INPP4B: variants seen among roughly 807,000 people sequenced by gnomAD.
INPP4B encodes the protein inositol polyphosphate 4-phosphatase type II.
Under a neutral mutation model 122.5 loss-of-function variants are expected in INPP4B, and 55 were observed. The observed-to-expected ratio is 0.45, with a 90% confidence interval of 0.36 to 0.56. The LOEUF is 0.56. INPP4B is among the 20% of genes least tolerant of loss of function. The pLI, the probability that INPP4B is intolerant of heterozygous loss-of-function variation, is 0.00. For synonymous variants in INPP4B, 403 were observed against 388.7 expected (o/e 1.04, Z -0.43); for missense variants, 1,000 against 1,097.7 (o/e 0.91, Z 1.26).
At chr4:142,055,780 A>C (rs1304009656) in intron 25 of INPP4B, among the ~76,000 whole-genome samples, 2 of 151,962 alleles carry the variant, frequency 1.3e-5, no homozygotes, top group Non-Finnish European at 2.9e-5. Flanking sequence ...GGCACCAGGA[A>C]CTGGTTTCAT....
rs563188138 is a variant in INPP4B, at chr4:142,621,688, C to T, written c.-191+104151G>A. 6.6e-5 allele frequency among the ~76,000 whole-genome samples: 10 copies of T among 151,818 alleles called. No individual in the cohort carries two copies. The South Asian group carries it at 2.1e-3, about 32-fold the overall frequency. On this transcript the variant is annotated intron_variant, in intron 2 of 25. Transcript: ENST00000262992. The stretch of plus-strand genomic sequence containing the variant: ...TCACAAATAGAAAAATCCTTCCTAC[C>T]TTGCTGAATAATGATGTGGATTAAA...
intron 1 of INPP4B, among the ~76,000 whole-genome samples, chr4:142,794,253 A>G (rs2151072702): frequency 6.6e-6 from 1 of 152,194 alleles, no homozygotes; most frequent in East Asian, 1.9e-4. Flanking sequence ...CTATAAATAA[A>G]GTATTCAGAC....
At chr4:142,749,066 G>A (rs1466331644) in intron 1 of INPP4B, among the ~76,000 whole-genome samples, 3 of 151,326 alleles carry the variant, frequency 2.0e-5, no homozygotes, top group African/African-American at 7.3e-5. Context: ...CTTGAACCTG[G>A]GAGGAGAAGT....
intron 2 of INPP4B, among the ~76,000 whole-genome samples, chr4:142,523,738 C>T (rs7668725): frequency 0.3 from 44,495 of 148,710 alleles, 7,504 homozygotes; most frequent in East Asian, 0.76. Context: ...ACATGTGCCA[C>T]GCTGGTGCGC....
At chr4:142,042,558 G>GTATTTATT (rs372566277) in intron 25 of INPP4B, among the ~76,000 whole-genome samples, 9 of 64,120 alleles carry the variant, frequency 1.4e-4, no homozygotes, top group African/African-American at 4.8e-4. Flanking sequence ...ATGTATGTAT[G>GTATTTATT]TATTTATTTA....
intron 2 of INPP4B, among the ~76,000 whole-genome samples, chr4:142,498,203 GTA>G (rs529732516): frequency 1.0e-4 from 15 of 146,772 alleles, no homozygotes; most frequent in East Asian, 5.9e-4. Context: ...GTGCGTGTGT[GTA>G]TATATATATA....
chr4:142,487,011 CCCA>C (rs1441891446), intron 2 of INPP4B, among the ~76,000 whole-genome samples: 6 of 152,126 alleles, frequency 3.9e-5, no homozygotes, highest in African/African-American at 1.2e-4. Flanking sequence ...TCCCATAATT[CCCA>C]CGTGTTTTGG....
At chr4:142,301,624 AT>A (rs1037684473) in intron 9 of INPP4B, among the ~76,000 whole-genome samples, 1 of 152,182 alleles carries the variant, frequency 6.6e-6, no homozygotes, top group Admixed American at 6.5e-5. Flanking sequence ...CAATAATGAG[AT>A]TTTTTTCATT....
At chr4:142,104,215 G>A in intron 23 of INPP4B, among the ~76,000 whole-genome samples, 1 of 152,172 alleles carries the variant, frequency 6.6e-6, no homozygotes, top group East Asian at 1.9e-4. Flanking sequence ...GAGGAAGACA[G>A]AAGGGGCTTT....
chr4:142,454,947 A>C (rs958488653), intron 3 of INPP4B, among the ~76,000 whole-genome samples: 8 of 152,020 alleles, frequency 5.3e-5, no homozygotes, highest in Non-Finnish European at 8.8e-5. Context: ...AAGGAGTTAA[A>C]ATTTGGAGAA....
intron 11 of INPP4B, among the ~76,000 whole-genome samples, chr4:142,255,742 C>T (rs1223837963): frequency 6.6e-6 from 1 of 152,098 alleles, no homozygotes; most frequent in Non-Finnish European, 1.5e-5. Context: ...TCGACTCCCA[C>T]ACATTAATAA....
chr4:142,740,849 T>C (rs1297637451), intron 1 of INPP4B, among the ~76,000 whole-genome samples: 1 of 152,040 alleles, frequency 6.6e-6, no homozygotes, highest in African/African-American at 2.4e-5. Flanking sequence ...GTCCTAAAAA[T>C]CTTTCAGAAG....
intron 21 of INPP4B, among the ~76,000 whole-genome samples, chr4:142,115,819 C>A (rs966650248): frequency 2.0e-5 from 3 of 152,028 alleles, no homozygotes; most frequent in Non-Finnish European, 4.4e-5. Context: ...CAATATTAAC[C>A]TTAAATGTAA....
chr4:142,202,400 C>T (rs990757920), intron 14 of INPP4B, among the ~76,000 whole-genome samples: 1 of 151,986 alleles, frequency 6.6e-6, no homozygotes, highest in South Asian at 2.1e-4. Context: ...ATGTCTTTGG[C>T]AGGAATTGCA....
chr4:142,827,778 C>G lies in INPP4B; in HGVS notation c.-254+18431G>C, dbSNP rs1781625511. Among the ~76,000 whole-genome samples, 3 of 152,142 alleles carry G rather than the reference C, an allele frequency of 2.0e-5. No individual in the cohort carries two copies. In the South Asian group the frequency reaches 6.2e-4, roughly 32 times the overall value. On this transcript the variant is annotated intron_variant, in intron 1 of 25. Coordinates refer to ENST00000262992, the MANE Select transcript of INPP4B (RefSeq NM_001101669.3). ...TGTTGAGACACGTTAATGGTCCTTTCTTTCTCTCATTCATTCAACACATGT... is the reference window on the plus strand; with the variant it reads ...TGTTGAGACACGTTAATGGTCCTTTGTTTCTCTCATTCATTCAACACATGT...
At chr4:142,460,614 G>C (rs1158369243) in intron 3 of INPP4B, among the ~76,000 whole-genome samples, 8 of 152,088 alleles carry the variant, frequency 5.3e-5, no homozygotes, top group Admixed American at 5.2e-4. Flanking sequence ...CAAATGGCAA[G>C]AGTAGTAATT....
intron 18 of INPP4B, among the ~76,000 whole-genome samples, chr4:142,128,469 G>T (rs1799698150): frequency 6.6e-6 from 1 of 151,972 alleles, no homozygotes. Context: ...TCTCTGCCCT[G>T]AGCCAACTAG....
At chr4:142,146,687 G>A (rs1199031408) in intron 17 of INPP4B, among the ~76,000 whole-genome samples, 2 of 152,064 alleles carry the variant, frequency 1.3e-5, no homozygotes, top group African/African-American at 2.4e-5. Flanking sequence ...GCAGATCCCT[G>A]GGTCCCACCA....
At chr4:142,056,349 T>A (rs1757704332) in intron 25 of INPP4B, among the ~76,000 whole-genome samples, 1 of 152,156 alleles carries the variant, frequency 6.6e-6, no homozygotes, top group Non-Finnish European at 1.5e-5. Context: ...CTCTAAACAT[T>A]GCTACCTTAA....
Sources: allele counts gnomAD v4.1 joint callset (sites outside exome capture counted in the v4.1 genomes callset), GRCh38; gene constraint gnomAD v4.1.1; transcripts MANE v1.5; gene names NCBI Gene and HGNC (gene_info 2026-07-23, HGNC 2026-07-21).